Variants in RAB28 observed in about 807,000 individuals in gnomAD.
The protein encoded by RAB28 is ras-related protein Rab-28.
Under a neutral mutation model 31.7 loss-of-function variants are expected in RAB28, and 24 were observed. The ratio of observed to expected loss-of-function variants is 0.76; its 90% CI spans 0.55 to 1.06. RAB28 has a LOEUF of 1.06. Ranked by LOEUF, RAB28 falls within the 50% of genes least tolerant of loss-of-function variation. The pLI, the probability that RAB28 is intolerant of heterozygous loss-of-function variation, is 0.00. For missense variants in RAB28, 254 were observed against 258.5 expected, an observed-to-expected ratio of 0.98 and a Z score of 0.12; for synonymous variants, 100 against 90.4, an observed-to-expected ratio of 1.11 and a Z score of -0.60.
intron 4 of RAB28, among the ~76,000 whole-genome samples, chr4:13,456,680 A>G (rs1715319196): frequency 6.7e-6 from 1 of 148,978 alleles, no homozygotes; most frequent in Non-Finnish European, 1.5e-5. Context: ...ACTAATTAGC[A>G]TCTGATAGCC....
intron 4 of RAB28, among the ~76,000 whole-genome samples, chr4:13,398,947 C>T (rs935734009): frequency 3.9e-5 from 6 of 152,056 alleles, no homozygotes; most frequent in African/African-American, 1.5e-4. Context: ...AAACAGAAAA[C>T]TGCCCAATCA....
intron 4 of RAB28, among the ~76,000 whole-genome samples, chr4:13,433,167 G>T (rs1713907574): frequency 6.6e-6 from 1 of 150,580 alleles, no homozygotes; most frequent in Non-Finnish European, 1.5e-5. Context: ...AAAGAGCAGG[G>T]GTTGCTATTC....
Position 13,448,837 on chromosome 4 carries a change from C to T in RAB28, c.391+11862G>A, listed in dbSNP as rs186826080. 1.8e-3 allele frequency among the ~76,000 whole-genome samples: 277 copies of T among 151,918 alleles called. 1 individual carries two copies. Among genetic ancestry groups the T allele is most frequent in the African/African-American group, 6.2e-3 (259 of 41,504 alleles). ...TCTCTTTCAATATATAGAATGATCT[C>T]AGTATGTTCCAGTAAGTAAATGATC... On this transcript the variant is annotated intron_variant, in intron 4 of 6. Transcript: ENST00000330852.
At chr4:13,369,135 G>A (rs1329053605) in intron 6 of RAB28, among the ~76,000 whole-genome samples, 1 of 152,034 alleles carries the variant, frequency 6.6e-6, no homozygotes, top group Non-Finnish European at 1.5e-5. Flanking sequence ...AAATGTTAAA[G>A]AGGATTCACA....
At chr4:13,399,560 T>A (rs918123417) in intron 4 of RAB28, among the ~76,000 whole-genome samples, 1 of 152,210 alleles carries the variant, frequency 6.6e-6, no homozygotes, top group African/African-American at 2.4e-5. Flanking sequence ...TAGTAGTGAC[T>A]ATGAGTTCCT....
At chr4:13,424,164 G>C (rs1329482246) in intron 4 of RAB28, among the ~76,000 whole-genome samples, 1 of 152,150 alleles carries the variant, frequency 6.6e-6, no homozygotes, top group East Asian at 1.9e-4. Context: ...CTCATTTTCA[G>C]TTCAAGACTA....
At chr4:13,369,818 C>A in intron 6 of RAB28, 2 of 1,512,262 alleles carry the variant, frequency 1.3e-6, no homozygotes, top group East Asian at 2.3e-5. Context: ...AGATAGCATT[C>A]AATGGTTCTC....
At chr4:13,392,476 A>G (rs557491997) in intron 4 of RAB28, among the ~76,000 whole-genome samples, 1 of 152,328 alleles carries the variant, frequency 6.6e-6, no homozygotes, top group African/African-American at 2.4e-5. Context: ...ATTAAGGTAA[A>G]TACAGAAGAA....
intron 4 of RAB28, among the ~76,000 whole-genome samples, chr4:13,441,926 C>A (rs1276275332): frequency 1.3e-5 from 2 of 152,156 alleles, no homozygotes; most frequent in Non-Finnish European, 2.9e-5. Context: ...AGCTCATCGT[C>A]CTCTATTGTT....
intron 1 of RAB28, among the ~76,000 whole-genome samples, chr4:13,480,833 C>G (rs1471018156): frequency 1.3e-5 from 2 of 151,824 alleles, no homozygotes; most frequent in African/African-American, 2.4e-5. Flanking sequence ...ACTGAGAGAT[C>G]AGAATTGAAA....
intron 4 of RAB28, among the ~76,000 whole-genome samples, chr4:13,387,262 G>A (rs1344852563): frequency 6.6e-6 from 1 of 151,934 alleles, no homozygotes; most frequent in South Asian, 2.1e-4. Context: ...AGAAAATATA[G>A]GAAGTTAACA....
At chr4:13,429,195 C>G (rs1713674695) in intron 4 of RAB28, among the ~76,000 whole-genome samples, 1 of 152,122 alleles carries the variant, frequency 6.6e-6, no homozygotes, top group East Asian at 1.9e-4. Context: ...GATCCACCCG[C>G]CTCAGCCTCC....
chr4:13,415,449 A>G lies in RAB28; in HGVS notation c.392-33855T>C, dbSNP rs367948060. On this transcript the variant is annotated intron_variant, in intron 4 of 6. Transcript: ENST00000330852. The stretch of plus-strand genomic sequence containing the variant: ...CTGCGCGGTGCTTGCAGGCCAGTGC[A>G]AGTTCAGGGTGAGTGTGGGCTCAGC... Among the ~76,000 whole-genome samples the G allele has an allele frequency of 3.4e-4, 52 of 152,250 alleles. 2 individuals carry two copies. The South Asian group carries it at 0.01, about 30-fold the overall frequency.
intron 4 of RAB28, among the ~76,000 whole-genome samples, chr4:13,453,245 A>G (rs945570644): frequency 6.6e-6 from 1 of 152,180 alleles, no homozygotes; most frequent in Non-Finnish European, 1.5e-5. Context: ...TCTTTTAAAT[A>G]AGAAATGTAA....
chr4:13,426,044 T>TA (rs1713464013), intron 4 of RAB28, among the ~76,000 whole-genome samples: 1 of 152,226 alleles, frequency 6.6e-6, no homozygotes, highest in African/African-American at 2.4e-5. Flanking sequence ...ATCACATTGA[T>TA]AACTTTAAGT....
At chr4:13,444,393 T>C (rs1714592354) in intron 4 of RAB28, among the ~76,000 whole-genome samples, 1 of 152,126 alleles carries the variant, frequency 6.6e-6, no homozygotes, top group Non-Finnish European at 1.5e-5. Context: ...TATATATATA[T>C]ATGCGCCACA....
intron 4 of RAB28, chr4:13,459,743 G>T: frequency 9.5e-7 from 1 of 1,056,940 alleles, no homozygotes; most frequent in Non-Finnish European, 1.2e-6. Context: ...GTTTATAAGA[G>T]ACAGGAGCAA....
rs184643831 is a variant in RAB28, at chr4:13,377,482, T to C, written c.496-860A>G. On this transcript the variant is annotated intron_variant, in intron 5 of 6. Transcript: ENST00000330852. ...CATATTTTAGTTCACTGATGGTCAATGGTCAAGGAACAACAGGAAAAGTAC... is the reference window on the plus strand; with the variant it reads ...CATATTTTAGTTCACTGATGGTCAACGGTCAAGGAACAACAGGAAAAGTAC... Among the ~76,000 whole-genome samples, 102 of 152,306 alleles carry C rather than the reference T, an allele frequency of 6.7e-4. 1 individual carries two copies. The highest frequency in any genetic ancestry group is 2.3e-3 in the African/African-American group (97 of 41,574).
At chr4:13,412,081 C>A (rs764772228) in intron 4 of RAB28, among the ~76,000 whole-genome samples, 2 of 151,150 alleles carry the variant, frequency 1.3e-5, no homozygotes, top group Non-Finnish European at 2.9e-5. Flanking sequence ...ACATCTACAG[C>A]CCCTACACCA....
Sources: allele counts gnomAD v4.1 joint callset (sites outside exome capture counted in the v4.1 genomes callset), GRCh38; gene constraint gnomAD v4.1.1; transcripts MANE v1.5; gene names NCBI Gene and HGNC (gene_info 2026-07-23, HGNC 2026-07-21).